Variants in GSG1L observed in about 807,000 individuals in gnomAD.
GSG1L encodes germ cell-specific gene 1-like protein.
In GSG1L, 24 loss-of-function variants were observed where a neutral mutation model predicts 42.1. The observed-to-expected ratio is 0.57, with a 90% CI of 0.41 to 0.80. GSG1L has a LOEUF of 0.80. Ranked by LOEUF, GSG1L falls within the 30% of genes least tolerant of loss-of-function variation. GSG1L has a pLI of 0.00. For synonymous variants in GSG1L, 215 were observed against 203.5 expected, an observed-to-expected ratio of 1.06 and a Z score of -0.48; for missense variants, 445 against 472.2, an observed-to-expected ratio of 0.94 and a Z score of 0.53.
At chr16:28,021,008 A>T (rs1183716134) in intron 1 of GSG1L, among the ~76,000 whole-genome samples, 1 of 152,240 alleles carries the variant, frequency 6.6e-6, no homozygotes, top group African/African-American at 2.4e-5. Flanking sequence ...ACAGTGAAAA[A>T]TAATCAGCAA....
chr16:27,852,868 G>A lies in GSG1L; in HGVS notation c.551-7807C>T, dbSNP rs531868331. On this transcript the variant is annotated intron_variant, in intron 3 of 6. Transcript: ENST00000447459. ...TGCAGTCCTCCCCGCAGGTGAGGAT[G>A]AGGATGGGCGGGACTTGCCAGGGCG... Among the ~76,000 whole-genome samples the A allele has an allele frequency of 1.8e-3, 267 of 152,186 alleles. 1 individual carries two copies. Among genetic ancestry groups the A allele is most frequent in the South Asian group, 6.2e-3 (30 of 4,820 alleles).
At chr16:27,800,622 G>GA (rs200560343) in intron 6 of GSG1L, among the ~76,000 whole-genome samples, 2 of 150,170 alleles carry the variant, frequency 1.3e-5, no homozygotes, top group African/African-American at 2.4e-5. Flanking sequence ...ACTTCCTCAG[G>GA]AAAAAAAAAA....
At chr16:27,842,992 T>C (rs544900965) in intron 4 of GSG1L, among the ~76,000 whole-genome samples, 3 of 152,216 alleles carry the variant, frequency 2.0e-5, no homozygotes, top group African/African-American at 7.2e-5. Context: ...CTGTGAACTC[T>C]CCTCCCCACA....
chr16:27,809,492 C>T (rs1373858490), intron 5 of GSG1L, among the ~76,000 whole-genome samples: 4 of 150,270 alleles, frequency 2.7e-5, no homozygotes, highest in African/African-American at 9.8e-5. Context: ...GTGGGAGGAT[C>T]GCTTGAGCCC....
At chr16:28,014,654 A>ATTTTTTTT (rs3033619) in intron 1 of GSG1L, among the ~76,000 whole-genome samples, 3 of 73,454 alleles carry the variant, frequency 4.1e-5, no homozygotes. Flanking sequence ...CAGGCACGCT[A>ATTTTTTTT]TTTTTTTTTT....
chr16:28,053,339 TC>T (rs1289428795), intron 1 of GSG1L, among the ~76,000 whole-genome samples: 4 of 152,196 alleles, frequency 2.6e-5, no homozygotes, highest in African/African-American at 9.7e-5. Flanking sequence ...ACAGAAGACT[TC>T]TTTTTGTTGT....
rs1374146577 is a variant in GSG1L, at chr16:27,816,033, G to A, written c.831-8479C>T. The stretch of plus-strand genomic sequence containing the variant: ...AGCAGGACTGAGAACACTGCCTGGT[G>A]CTTGCCATTATTATCACCATATTAT... On this transcript the variant is annotated intron_variant, in intron 5 of 6. Coordinates refer to ENST00000447459, the MANE Select transcript of GSG1L (RefSeq NM_001109763.2). 3.9e-5 allele frequency among the ~76,000 whole-genome samples: 6 copies of A among 152,174 alleles called. No homozygotes were observed. In the East Asian group the frequency reaches 1.2e-3, roughly 29 times the overall value.
intron 2 of GSG1L, among the ~76,000 whole-genome samples, chr16:27,885,136 TTTTG>T (rs1275877329): frequency 2.6e-5 from 4 of 152,100 alleles, no homozygotes; most frequent in Non-Finnish European, 5.9e-5. Flanking sequence ...TTTTGTTCTT[TTTTG>T]TTTGTTTGTT....
intron 2 of GSG1L, among the ~76,000 whole-genome samples, chr16:27,947,603 G>GAA (rs1253134572): frequency 1.8e-4 from 25 of 140,802 alleles, no homozygotes; most frequent in African/African-American, 6.1e-4. Flanking sequence ...GAAAGAAAAA[G>GAA]AAAGAAAGAA....
intron 1 of GSG1L, among the ~76,000 whole-genome samples, chr16:27,976,942 G>A (rs1455352595): frequency 6.6e-6 from 1 of 152,134 alleles, no homozygotes; most frequent in Non-Finnish European, 1.5e-5. Context: ...ATCACTCATC[G>A]TATTGTCACG....
chr16:27,926,998 C>T (rs939244384), intron 2 of GSG1L, among the ~76,000 whole-genome samples: 1 of 152,290 alleles, frequency 6.6e-6, no homozygotes, highest in South Asian at 2.1e-4. Context: ...AGCCCTTGAC[C>T]TCTGCACTGA....
intron 2 of GSG1L, among the ~76,000 whole-genome samples, chr16:27,955,929 G>GGAAAC (rs2084999055): frequency 7.2e-6 from 1 of 138,484 alleles, no homozygotes; most frequent in East Asian, 2.0e-4. Flanking sequence ...AGGAAGGAAA[G>GGAAAC]AAGGAAGGAA....
chr16:27,911,422 C>T (rs1393675859), intron 2 of GSG1L, among the ~76,000 whole-genome samples: 1 of 152,162 alleles, frequency 6.6e-6, no homozygotes, highest in Non-Finnish European at 1.5e-5. Context: ...TCCCAAATAG[C>T]TGGGATTACA....
intron 4 of GSG1L, among the ~76,000 whole-genome samples, chr16:27,838,204 T>G (rs888895544): frequency 6.6e-6 from 1 of 152,184 alleles, no homozygotes; most frequent in Non-Finnish European, 1.5e-5. Flanking sequence ...GCCTGGCACA[T>G]AATAGGTGCT....
intron 1 of GSG1L, among the ~76,000 whole-genome samples, chr16:28,054,028 A>C (rs1367441626): frequency 1.3e-5 from 2 of 151,736 alleles, no homozygotes; most frequent in Non-Finnish European, 2.9e-5. Context: ...CTCCCTCTGC[A>C]TCCTTCTCAG....
At chr16:28,028,875 CT>C (rs1191202708) in intron 1 of GSG1L, among the ~76,000 whole-genome samples, 1 of 152,178 alleles carries the variant, frequency 6.6e-6, no homozygotes, top group Non-Finnish European at 1.5e-5. Context: ...AAGGCAGTGG[CT>C]AGAGATGAGG....
chr16:27,792,893 G>T (rs1208797648), intron 6 of GSG1L, among the ~76,000 whole-genome samples: 1 of 152,230 alleles, frequency 6.6e-6, no homozygotes, highest in Non-Finnish European at 1.5e-5. Flanking sequence ...TTTTACAGAT[G>T]AGGGAGCCGA....
chr16:27,911,981 G>A (rs533892301), intron 2 of GSG1L, among the ~76,000 whole-genome samples: 5 of 152,238 alleles, frequency 3.3e-5, no homozygotes, highest in South Asian at 2.1e-4. Flanking sequence ...CTTGAACTGC[G>A]CCTGACACAT....
At chr16:28,008,402 G>A (rs1239582903) in intron 1 of GSG1L, among the ~76,000 whole-genome samples, 2 of 152,026 alleles carry the variant, frequency 1.3e-5, no homozygotes, top group Non-Finnish European at 2.9e-5. Context: ...TAGTTTGCTG[G>A]CTCCAGGTCT....
Sources: allele counts gnomAD v4.1 joint callset (sites outside exome capture counted in the v4.1 genomes callset), GRCh38; gene constraint gnomAD v4.1.1; transcripts MANE v1.5; gene names NCBI Gene and HGNC (gene_info 2026-07-23, HGNC 2026-07-21).